BAZ2B: variants seen among roughly 807,000 people sequenced by gnomAD.
The protein encoded by BAZ2B is bromodomain adjacent to zinc finger domain protein 2B.
A neutral mutation model predicts 246.0 loss-of-function variants in BAZ2B; 91 were observed. That is an observed-to-expected ratio of 0.37 (90% CI 0.31 to 0.44). The LOEUF (loss-of-function observed/expected upper bound fraction) is 0.44, where lower values mean the gene tolerates loss of function less well. BAZ2B is among the 20% of genes least tolerant of loss of function. The pLI, the probability that BAZ2B is intolerant of heterozygous loss-of-function variation, is 1.00. For missense variants in BAZ2B, 2,332 were observed against 2,533.7 expected (o/e 0.92, Z 1.71); for synonymous variants, 855 against 860.0 (o/e 0.99, Z 0.10).
intron 2 of BAZ2B, among the ~76,000 whole-genome samples, chr2:159,525,757 T>C (rs1382434087): frequency 6.6e-6 from 1 of 152,176 alleles, no homozygotes; most frequent in African/African-American, 2.4e-5. Flanking sequence ...AGTAAAGTAA[T>C]ATAGTCTGGC....
chr2:159,707,266 A>G, the BAZ2B span, among the ~76,000 whole-genome samples: 5 of 152,176 alleles, frequency 3.3e-5, no homozygotes, highest in African/African-American at 1.2e-4. Context: ...AATAAAAAAT[A>G]GGGCTGGGCA....
intron 2 of BAZ2B, among the ~76,000 whole-genome samples, chr2:159,543,782 C>T (rs2151398433): frequency 6.6e-6 from 1 of 152,354 alleles, no homozygotes; most frequent in East Asian, 1.9e-4. Flanking sequence ...GATCCACCTA[C>T]CTTGGCCTCC....
the BAZ2B span, among the ~76,000 whole-genome samples, chr2:159,625,032 T>C: frequency 1.3e-5 from 2 of 151,880 alleles, no homozygotes; most frequent in African/African-American, 4.8e-5. Flanking sequence ...TTGTGAAGCA[T>C]ACACAAGTAT....
chr2:159,345,712 C>T (rs533289441), intron 31 of BAZ2B, among the ~76,000 whole-genome samples: 1 of 151,596 alleles, frequency 6.6e-6, no homozygotes, highest in Non-Finnish European at 1.5e-5. Flanking sequence ...GAAAATAGGG[C>T]TTATGGAACC....
chr2:159,689,321 T>C, the BAZ2B span: 7 of 387,292 alleles, frequency 1.8e-5, no homozygotes, highest in Admixed American at 2.4e-4. Flanking sequence ...ACCATGAAGC[T>C]CCATGAGTTT....
chr2:159,395,987 G>C (rs1185655622), intron 19 of BAZ2B, 153 bp from the exon 20 acceptor site: 4 of 597,430 alleles, frequency 6.7e-6, no homozygotes, highest in Admixed American at 3.5e-5. Context: ...TATAAGACAA[G>C]AATGGCCAGT....
chr2:159,635,768 A>T, the BAZ2B span, among the ~76,000 whole-genome samples: 1 of 152,236 alleles, frequency 6.6e-6, no homozygotes, highest in East Asian at 1.9e-4. Context: ...CTTAATTGAA[A>T]CCATGCAAAT....
intron 1 of BAZ2B, among the ~76,000 whole-genome samples, chr2:159,588,882 G>A (rs929482577): frequency 6.6e-6 from 1 of 152,058 alleles, no homozygotes; most frequent in Non-Finnish European, 1.5e-5. Context: ...CTCAAATACT[G>A]GGAACACATT....
At chr2:159,569,989 A>T (rs1231911253) in intron 1 of BAZ2B, among the ~76,000 whole-genome samples, 1 of 152,182 alleles carries the variant, frequency 6.6e-6, no homozygotes, top group East Asian at 1.9e-4. Context: ...TCTCTGATAC[A>T]TAGTACGTTT....
At chr2:159,337,223 A>G in intron 32 of BAZ2B, 146 bp from the exon 33 acceptor site, 3 of 1,124,390 alleles carry the variant, frequency 2.7e-6, no homozygotes, top group Non-Finnish European at 3.8e-6. Context: ...AATTTGATGT[A>G]GTGCACAGAC....
intron 1 of BAZ2B, among the ~76,000 whole-genome samples, chr2:159,587,544 C>A (rs1008249979): frequency 6.6e-6 from 1 of 152,184 alleles, no homozygotes; most frequent in Non-Finnish European, 1.5e-5. Flanking sequence ...TTTTAACCAG[C>A]TAATATTTAC....
chr2:159,433,261 T>C lies in BAZ2B; in HGVS notation c.1396A>G (p.Ser466Gly). 1.9e-6 allele frequency: 3 copies of C among 1,614,168 alleles called. No homozygotes were observed. The highest frequency in any genetic ancestry group is 2.7e-5 in the African/African-American group (2 of 75,054). ...AALSNPKATSSSPAHPKQTLE... is the reference protein window; with the variant it reads ...AALSNPKATSGSPAHPKQTLE... ...GTTTGTTTTGGATGTGCTGGTGAACTAGAGGTTGCTTTTGGATTTGACAAA... is the reference window on the plus strand; with the variant it reads ...GTTTGTTTTGGATGTGCTGGTGAACCAGAGGTTGCTTTTGGATTTGACAAA... The change falls in exon 9 of 37, where the codon AGT becomes GGT. Residue 466 changes from serine to glycine, a missense_variant. Around this residue, in one of 9 missense-constraint regions of BAZ2B, gnomAD observed 651 missense variants for 650.9 expected, o/e 1.00. Coordinates refer to ENST00000392783, the MANE Select transcript of BAZ2B (RefSeq NM_013450.4).
chr2:159,333,131 T>C (rs1490994795), intron 33 of BAZ2B: 1 of 152,494 alleles, frequency 6.6e-6, no homozygotes, highest in African/African-American at 2.4e-5. Context: ...AAATCAAAAT[T>C]AGAAAACTTG....
the BAZ2B span, among the ~76,000 whole-genome samples, chr2:159,642,401 C>T: frequency 6.6e-6 from 1 of 151,984 alleles, no homozygotes; most frequent in Middle Eastern, 3.2e-3. Flanking sequence ...CCACACCTAG[C>T]TAATTTTTGT....
At chr2:159,712,176 G>A in the BAZ2B span, 1 of 151,732 alleles carries the variant, frequency 6.6e-6, no homozygotes, top group East Asian at 1.9e-4. Context: ...GCGGGGACCC[G>A]GCGCCCGGGA....
intron 1 of BAZ2B, among the ~76,000 whole-genome samples, chr2:159,581,222 A>G (rs1196379013): frequency 5.3e-5 from 8 of 150,810 alleles, no homozygotes; most frequent in Non-Finnish European, 4.4e-5. Flanking sequence ...AATTTACAAG[A>G]AAAAAAAAAT....
intron 25 of BAZ2B, among the ~76,000 whole-genome samples, chr2:159,377,858 ATCTCCTTT>A (rs1576314754): frequency 6.6e-6 from 1 of 151,872 alleles, no homozygotes; most frequent in East Asian, 1.9e-4. Context: ...TAAATGACAC[ATCTCCTTT>A]AAAACTTTAA....
intron 1 of BAZ2B, among the ~76,000 whole-genome samples, chr2:159,589,562 G>A (rs1234682940): frequency 1.3e-5 from 2 of 151,992 alleles, no homozygotes; most frequent in African/African-American, 2.4e-5. Flanking sequence ...GTTAACAATC[G>A]CCTTAGTTTC....
At chr2:159,337,426 G>C in intron 32 of BAZ2B, 141 bp downstream of exon 32, 1 of 1,537,650 alleles carries the variant, frequency 6.5e-7, no homozygotes, top group South Asian at 1.2e-5. Flanking sequence ...TAGCAAAGAA[G>C]CACAATAATT....
Sources: allele counts gnomAD v4.1 joint callset (sites outside exome capture counted in the v4.1 genomes callset), GRCh38; gene constraint gnomAD v4.1.1; regional missense constraint gnomAD v4.1.1; transcripts MANE v1.5; gene names NCBI Gene and HGNC (gene_info 2026-07-23, HGNC 2026-07-21).